The following SHPRH variants were observed in gnomAD, a reference collection of about 807,000 sequenced individuals.
The protein encoded by SHPRH is E3 ubiquitin-protein ligase SHPRH.
Under a neutral mutation model 202.5 loss-of-function variants are expected in SHPRH, and 106 were observed. The ratio of observed to expected loss-of-function variants is 0.52; its 90% CI spans 0.45 to 0.62. The LOEUF (loss-of-function observed/expected upper bound fraction) is 0.62. SHPRH is among the 20% of genes least tolerant of loss of function. SHPRH has a pLI of 0.00. For synonymous variants in SHPRH, 729 were observed against 686.0 expected, an observed-to-expected ratio of 1.06 and a Z score of -0.98; for missense variants, 1,710 against 2,020.0, an observed-to-expected ratio of 0.85 and a Z score of 2.94.
intron 13 of SHPRH, 133 bp downstream of exon 13, chr6:145,934,774 T>C (rs1023428928): frequency 2.5e-6 from 2 of 791,514 alleles, no homozygotes; most frequent in Admixed American, 2.6e-5. Flanking sequence ...TGAGCTTCCA[T>C]ACCAAAGAAA....
intron 16 of SHPRH, 47 bp downstream of exon 16, chr6:145,926,155 AAG>A (rs1235078322): frequency 6.8e-7 from 1 of 1,469,584 alleles, no homozygotes. Flanking sequence ...ATGGAGCATA[AAG>A]TTTGAAGAAA....
chr6:145,891,507 T>C (rs1781562361), intron 28 of SHPRH, among the ~76,000 whole-genome samples: 1 of 152,144 alleles, frequency 6.6e-6, no homozygotes, highest in South Asian at 2.1e-4. Context: ...TTACCACCTT[T>C]CTGTCTACCA....
At position 145,945,655 on chromosome 6, in the gene SHPRH, T is replaced by G. The variant is rs774494783; in HGVS notation, c.1322-18A>C. On this transcript the variant is annotated intron_variant, in intron 7 of 29. Coordinates refer to ENST00000275233, the MANE Select transcript of SHPRH (RefSeq NM_001042683.3). ...ACGTGTAGCTAAATGTAAAAGGATATGCTAAATCAGTCAAAATAATTAAAA... is the reference window on the plus strand; with the variant it reads ...ACGTGTAGCTAAATGTAAAAGGATAGGCTAAATCAGTCAAAATAATTAAAA... The G allele has an allele frequency of 4.5e-6, 7 of 1,568,906 alleles. No individual in the cohort carries two copies. Among genetic ancestry groups the G allele is most frequent in the Non-Finnish European group, 6.0e-6 (7 of 1,162,214 alleles).
At position 145,933,059 on chromosome 6, in the gene SHPRH, T is replaced by G; in HGVS notation, c.3110A>C (p.Lys1037Thr). ...GAGATAAAGCAATCACCTTCTACCT[T>G]TAATAATATGAATGCCTGCTAAGCC... ...LNGLAGIHII[K>T]GEYALAAELY... Residue 1037 changes from lysine (K) to threonine (T), a missense_variant and splice_region_variant, in exon 14 of 30, where the codon AAA becomes ACA. This residue lies in a region of SHPRH where 288 missense variants were observed against 317.8 expected (regional missense o/e 0.91). Coordinates refer to ENST00000275233, the MANE Select transcript of SHPRH (RefSeq NM_001042683.3). The G allele has an allele frequency of 6.2e-7, 1 of 1,613,622 alleles. No homozygotes were observed. The highest frequency in any genetic ancestry group is 8.5e-7 in the Non-Finnish European group (1 of 1,179,736).
At chr6:145,933,417 C>T (rs1019356886) in intron 13 of SHPRH, among the ~76,000 whole-genome samples, 2 of 152,080 alleles carry the variant, frequency 1.3e-5, no homozygotes, top group Admixed American at 6.6e-5. Context: ...CTAGAAAAAT[C>T]TTCCTCAAGT....
At chr6:145,903,215 T>C (rs1782651704) in intron 25 of SHPRH, 1 of 151,932 alleles carries the variant, frequency 6.6e-6, no homozygotes, top group South Asian at 2.1e-4. Context: ...CAAATTATTT[T>C]ATTCCTATTT....
At chr6:145,866,557 TTTATCA>T (rs1779791010) in intron 2 of SHPRH, among the ~76,000 whole-genome samples, 1 of 150,414 alleles carries the variant, frequency 6.6e-6, no homozygotes, top group Admixed American at 6.7e-5. Flanking sequence ...AGGACGTGGT[TTTATCA>T]TTATCAGACA....
At chr6:145,892,058 AG>A (rs1275604217) in intron 28 of SHPRH, among the ~76,000 whole-genome samples, 1 of 152,110 alleles carries the variant, frequency 6.6e-6, no homozygotes, top group Non-Finnish European at 1.5e-5. Context: ...TTTTCAAGTA[AG>A]CCCTTTATTT....
At chr6:145,948,479 A>C in intron 4 of SHPRH, 129 bp from the exon 5 acceptor site, 15 of 599,438 alleles carry the variant, frequency 2.5e-5, no homozygotes, top group South Asian at 3.5e-5. Context: ...GTGAAATCTC[A>C]TTCTGGAAAA....
chr6:145,867,708 G>C (rs1001848246), intron 2 of SHPRH, among the ~76,000 whole-genome samples: 8 of 133,926 alleles, frequency 6.0e-5, no homozygotes, highest in African/African-American at 2.2e-4. Flanking sequence ...GAAGAGAAAA[G>C]GCACTATAAC....
Position 145,919,478 on chromosome 6 carries a change from T to C in SHPRH, c.4022A>G (p.Tyr1341Cys), listed in dbSNP as rs777555264. The change falls in exon 22 of 30, where the codon TAT becomes TGT. Residue 1341 changes from tyrosine to cysteine, a missense_variant. Physicochemically the swap from Tyr to Cys is radical, Grantham distance 194 (BLOSUM62 -2). This residue lies in a region of SHPRH where 306 missense variants were observed against 479.5 expected (regional missense o/e 0.64). Transcript: ENST00000275233. ...CACACGATTCCTCAGAGCCATCCAATATTCATGAAGCAACTGAAGGAATAG... is the reference window on the plus strand; with the variant it reads ...CACACGATTCCTCAGAGCCATCCAACATTCATGAAGCAACTGAAGGAATAG... ...WKKEYKLLHE[Y>C]WMALRNRVSA... The C allele has an allele frequency of 1.2e-6, 2 of 1,612,580 alleles. No individual in the cohort carries two copies. The highest frequency in any genetic ancestry group is 3.3e-4 in the Middle Eastern group (2 of 6,046).
Position 145,933,314 on chromosome 6 carries a change from T to C in SHPRH, c.2991-136A>G, listed in dbSNP as rs1785675690. On this transcript the variant is annotated intron_variant, in intron 13 of 29. Coordinates refer to ENST00000275233, the MANE Select transcript of SHPRH (RefSeq NM_001042683.3). ...GGTATCTCTAGCATTTTTTTTCGCCTCAATTTTTACCATTATTTTTTCCCA... is the reference window on the plus strand; with the variant it reads ...GGTATCTCTAGCATTTTTTTTCGCCCCAATTTTTACCATTATTTTTTCCCA... 9 of 1,289,500 alleles carry C rather than the reference T, an allele frequency of 7.0e-6. No individual in the cohort carries two copies. In the South Asian group the frequency reaches 1.5e-4, roughly 21 times the overall value. 79.9% of individuals were successfully genotyped at this position (1,289,500 alleles called of 1,614,324 possible).
At chr6:145,887,204 C>G (rs1402276862) in intron 29 of SHPRH, among the ~76,000 whole-genome samples, 1 of 152,090 alleles carries the variant, frequency 6.6e-6, no homozygotes, top group Non-Finnish European at 1.5e-5. Context: ...CTTTAAAAAG[C>G]CTTCATGTTT....
downstream of SHPRH, among the ~76,000 whole-genome samples, chr6:145,860,964 G>C (rs1029781834): frequency 3.3e-5 from 5 of 151,898 alleles, no homozygotes; most frequent in African/African-American, 1.2e-4. Context: ...ATGAAAGTGG[G>C]CCCTATATAC....
chr6:145,942,648 G>A (rs1786916767), intron 9 of SHPRH, among the ~76,000 whole-genome samples: 1 of 152,166 alleles, frequency 6.6e-6, no homozygotes, highest in African/African-American at 2.4e-5. Flanking sequence ...CTTCACAAAT[G>A]ACTGGATACT....
intron 17 of SHPRH, 102 bp downstream of exon 17, chr6:145,924,637 T>C: frequency 3.3e-6 from 3 of 922,178 alleles, no homozygotes; most frequent in Non-Finnish European, 3.4e-6. Flanking sequence ...GCTAAGGATT[T>C]CAAAATGTAT....
intron 3 of SHPRH, chr6:145,951,991 A>G: frequency 2.3e-6 from 1 of 434,800 alleles, no homozygotes; most frequent in South Asian, 1.6e-5. Context: ...TATTTGTCAG[A>G]CTGCAAAGGA....
chr6:145,912,071 A>C (rs1783542986), intron 24 of SHPRH, among the ~76,000 whole-genome samples: 1 of 151,742 alleles, frequency 6.6e-6, no homozygotes, highest in Non-Finnish European at 1.5e-5. Flanking sequence ...AGGTCCACCT[A>C]CATGTGCAAT....
intron 2 of SHPRH, chr6:145,877,103 C>T (rs947830047): frequency 3.3e-5 from 5 of 152,140 alleles, no homozygotes; most frequent in Admixed American, 1.3e-4. Context: ...CATGTGGTAA[C>T]TCCATTTAAC....
Sources: allele counts gnomAD v4.1 joint callset (sites outside exome capture counted in the v4.1 genomes callset), GRCh38; gene constraint gnomAD v4.1.1; regional missense constraint gnomAD v4.1.1; transcripts MANE v1.5; gene names NCBI Gene and HGNC (gene_info 2026-07-23, HGNC 2026-07-21).